Variants in SLC7A10 observed in about 807,000 individuals in gnomAD.
SLC7A10 encodes the protein asc-type amino acid transporter 1.
Under a neutral mutation model 52.7 loss-of-function variants are expected in SLC7A10, and 30 were observed. The observed-to-expected ratio is 0.57, with a 90% CI of 0.43 to 0.77. SLC7A10 has a LOEUF of 0.77. Among genes scored for constraint, SLC7A10 ranks in the 30% least tolerant of loss-of-function variants. The pLI is 0.00. For synonymous variants in SLC7A10, 318 were observed against 314.9 expected (o/e 1.01, Z -0.10); for missense variants, 581 against 698.5 (o/e 0.83, Z 1.90).
At chr19:33,219,475 A>G (rs1974768209) in intron 1 of SLC7A10, among the ~76,000 whole-genome samples, 1 of 152,020 alleles carries the variant, frequency 6.6e-6, no homozygotes, top group East Asian at 1.9e-4. Context: ...TGATTTGGGG[A>G]GGGGGCAGGG....
chr19:33,218,804 C>T (rs10417375), intron 1 of SLC7A10, among the ~76,000 whole-genome samples: 38,291 of 149,616 alleles, frequency 0.26, 5,457 homozygotes, highest in East Asian at 0.47. Context: ...AGGCATGAGC[C>T]ACCACACCTG....
Position 33,212,427 on chromosome 19 carries a change from C to T in SLC7A10, c.653G>A (p.Arg218Lys). The T allele has an allele frequency of 6.2e-7, 1 of 1,613,944 alleles. No homozygotes were observed. Among genetic ancestry groups the T allele is most frequent in the East Asian group, 2.2e-5 (1 of 44,880 alleles). ...CCAGAAAGCAAAGGCATTGCTGGGC[C>T]TCAGCTCCTCGAAGTGTCCTGGAGG... ...QIFQGHFEEL[R>K]PSNAFAFWMT... The change falls in exon 5 of 11, where the codon AGG becomes AAG. Residue 218 changes from arginine to lysine, a missense_variant. By Grantham distance (26) the Arg-to-Lys change is conservative. Coordinates refer to ENST00000253188, the MANE Select transcript of SLC7A10 (RefSeq NM_019849.3).
chr19:33,215,654 A>AGCCCCCACACCTTCTCTCCATCCC (rs531183619), intron 2 of SLC7A10, 115 bp downstream of exon 2: 12 of 716,736 alleles, frequency 1.7e-5, no homozygotes, highest in East Asian at 7.8e-5. Context: ...CTCTCCATCC[A>AGCCCCCACACCTTCTCTCCATCCC]CCCCCACGAC....
chr19:33,211,565 C>T (rs376890843), intron 5 of SLC7A10, 28 bp from the exon 6 acceptor site: 9 of 1,613,728 alleles, frequency 5.6e-6, no homozygotes, highest in South Asian at 3.3e-5. Flanking sequence ...AGTGCGTCAG[C>T]GTCAGCTCCT....
At chr19:33,221,345 C>A (rs574771999) in intron 1 of SLC7A10, among the ~76,000 whole-genome samples, 1 of 152,232 alleles carries the variant, frequency 6.6e-6, no homozygotes, top group East Asian at 1.9e-4. Context: ...GTCTTGACCC[C>A]CCCATGGTGT....
intron 1 of SLC7A10, among the ~76,000 whole-genome samples, chr19:33,225,348 C>A (rs550369806): frequency 6.6e-6 from 1 of 152,236 alleles, no homozygotes; most frequent in African/African-American, 2.4e-5. Flanking sequence ...CAGGTGCAGG[C>A]GGCCGGGAGG....
intron 3 of SLC7A10, 88 bp downstream of exon 3, chr19:33,212,763 A>G (rs1599948899): frequency 6.2e-7 from 1 of 1,605,404 alleles, no homozygotes; most frequent in East Asian, 2.2e-5. Flanking sequence ...CTGAAGGGAA[A>G]TTTCACCCCT....
intron 2 of SLC7A10, among the ~76,000 whole-genome samples, chr19:33,215,443 G>A (rs1974650962): frequency 6.6e-6 from 1 of 152,022 alleles, no homozygotes; most frequent in Admixed American, 6.6e-5. Context: ...TAAGTACAAG[G>A]CAGGGGGTGG....
chr19:33,209,033 CAGAT>C lies in SLC7A10; in HGVS notation c.1442-16_1442-13del, dbSNP rs1568386459. The C allele has an allele frequency of 6.2e-7, 1 of 1,613,464 alleles. No individual in the cohort carries two copies. The highest frequency in any genetic ancestry group is 1.1e-5 in the South Asian group (1 of 91,028). ...GTGTGTCATGGACTCTGAGGACAGA[CAGAT>C]GGACCTTGGGGCCTGACCTCTCGGG... On this transcript the variant is annotated splice_polypyrimidine_tract_variant and intron_variant, in intron 10 of 10. Coordinates refer to ENST00000253188, the MANE Select transcript of SLC7A10 (RefSeq NM_019849.3).
rs1568388709 is a variant in SLC7A10 at position 33,211,401 on chromosome 19, G to A, written c.912+13C>T. ...CTGGGCAGGAGCCAGGGACCGAGCA[G>A]GGGCCCACTCACCACAGCCACCGCA... On this transcript the variant is annotated intron_variant, in intron 6 of 10. Transcript: ENST00000253188. 6.2e-7 allele frequency: 1 copy of A among 1,613,872 alleles called. No individual in the cohort carries two copies.
rs1342270649 is a variant in SLC7A10 at position 33,218,237 on chromosome 19, A to G, written c.152-2264T>C. On this transcript the variant is annotated intron_variant, in intron 1 of 10. Transcript: ENST00000253188. ...CGGGGTAAGCCACATCTGGCACCCT[A>G]TCTTCCAGGGCTGTATCACTAGCCT... Among the ~76,000 whole-genome samples, 3 of 152,024 alleles carry G rather than the reference A, an allele frequency of 2.0e-5. No individual in the cohort carries two copies. The East Asian group carries it at 5.8e-4, about 29-fold the overall frequency.
Position 33,210,717 on chromosome 19 carries a change from C to T in SLC7A10, c.1113+85G>A. 6.2e-7 allele frequency: 1 copy of T among 1,607,068 alleles called. No individual in the cohort carries two copies. The highest frequency in any genetic ancestry group is 1.1e-5 in the South Asian group (1 of 90,900). On this transcript the variant is annotated intron_variant, in intron 8 of 10. Transcript: ENST00000253188. This position sits in a 1 kb window ranked among gnomAD's most constrained non-coding sequence, Gnocchi z 5.6. ...ACCCCCAACCCCCACCCTGGAATGG[C>T]TCACCCCTGCCATTACCCGGAAGGT...
rs1366109192 is a variant in SLC7A10, at chr19:33,212,282, C to T, written c.788+10G>A. 1 of 1,595,018 alleles carries T rather than the reference C, an allele frequency of 6.3e-7. No homozygotes were observed. The highest frequency in any genetic ancestry group is 8.5e-7 in the Non-Finnish European group (1 of 1,171,708). ...CTGCTTCCCAGGGCCCAGTTGGGGG[C>T]CCCACTCACTTTCGGGCGTCAACCA... On this transcript the variant is annotated intron_variant, in intron 5 of 10. Transcript: ENST00000253188.
chr19:33,215,837 C>G lies in SLC7A10; in HGVS notation c.288G>C (p.Leu96=), dbSNP rs1974667806. ...TALGSLCYAE[L]GVAIPKSGGD... ...CGCCAGACTTGGGGATGGCGACTCC[C>G]AGCTCTGCATAGCAGAGGGAGCCCA... The change falls in exon 2 of 11, where the codon CTG becomes CTC. Residue 96 remains leucine (L), a synonymous_variant. Transcript: ENST00000253188. 6.3e-7 allele frequency: 1 copy of G among 1,593,950 alleles called. No individual in the cohort carries two copies. The highest frequency in any genetic ancestry group is 1.7e-4 in the Middle Eastern group (1 of 6,026).
At chr19:33,215,161 G>C (rs796853758) in intron 2 of SLC7A10, among the ~76,000 whole-genome samples, 4 of 151,956 alleles carry the variant, frequency 2.6e-5, no homozygotes, top group African/African-American at 9.7e-5. Flanking sequence ...CCAGCTACTC[G>C]GGAGTCTGAG....
intron 1 of SLC7A10, among the ~76,000 whole-genome samples, chr19:33,223,928 C>T (rs1489181015): frequency 1.4e-5 from 2 of 143,308 alleles, no homozygotes; most frequent in Non-Finnish European, 3.0e-5. Context: ...ACTCCCACCA[C>T]CACCACCTCT....
chr19:33,222,159 G>A (rs1448832540), intron 1 of SLC7A10, among the ~76,000 whole-genome samples: 1 of 152,126 alleles, frequency 6.6e-6, no homozygotes, highest in African/African-American at 2.4e-5. Context: ...AACACTCTGG[G>A]AGGCTGAGGT....
Position 33,210,721 on chromosome 19 carries a change from C to G in SLC7A10, c.1113+81G>C. 1 of 1,604,022 alleles carries G rather than the reference C, an allele frequency of 6.2e-7. No individual in the cohort carries two copies. The highest frequency in any genetic ancestry group is 8.5e-7 in the Non-Finnish European group (1 of 1,173,064). On this transcript the variant is annotated intron_variant, in intron 8 of 10. Coordinates refer to ENST00000253188, the MANE Select transcript of SLC7A10 (RefSeq NM_019849.3). The surrounding 1 kb of genome is among the most constrained non-coding windows in gnomAD (Gnocchi z 5.6). ...CCAACCCCCACCCTGGAATGGCTCA[C>G]CCCTGCCATTACCCGGAAGGTCCTG...
In SLC7A10 at chr19:33,208,984, C is replaced by T. The variant is rs756446625; in HGVS notation, c.1479G>A (p.Val493=). ...MTHWGQELCF[V]VYPQDAPEEE... is the part of the protein sequence containing the mutation. ...CTTCGGGGGCGTCCTGGGGGTAGAC[C>T]ACGAAACACAGCTCCTGGCCCCAGT... The change falls in exon 11 of 11, where the codon GTG becomes GTA. Residue 493 remains valine, a synonymous_variant. Transcript: ENST00000253188. This position sits in a 1 kb window ranked among gnomAD's most constrained non-coding sequence, Gnocchi z 4.7. 1.2e-6 allele frequency: 2 copies of T among 1,613,790 alleles called. No individual in the cohort carries two copies. Among genetic ancestry groups the T allele is most frequent in the Admixed American group, 3.3e-5 (2 of 60,008 alleles).
Sources: allele counts gnomAD v4.1 joint callset (sites outside exome capture counted in the v4.1 genomes callset), GRCh38; gene constraint gnomAD v4.1.1; non-coding constraint Gnocchi (gnomAD v3.1); transcripts MANE v1.5; gene names NCBI Gene and HGNC (gene_info 2026-07-23, HGNC 2026-07-21).